Variants in CIITA observed in about 807,000 individuals in gnomAD.
CIITA encodes class II major histocompatibility complex transactivator.
A neutral mutation model predicts 115.1 loss-of-function variants in CIITA; 72 were observed. The observed-to-expected ratio is 0.63, with a 90% CI of 0.52 to 0.76. The LOEUF (loss-of-function observed/expected upper bound fraction) is 0.76. CIITA is among the 30% of genes least tolerant of loss of function. CIITA has a pLI of 0.00. For synonymous variants in CIITA, 763 were observed against 635.6 expected, an observed-to-expected ratio of 1.20 and a Z score of -3.02; for missense variants, 1,617 against 1,463.8, an observed-to-expected ratio of 1.10 and a Z score of -1.71.
chr16:10,872,683 A>C (rs2035568984), upstream of CIITA, among the ~76,000 whole-genome samples: 1 of 152,226 alleles, frequency 6.6e-6, no homozygotes, highest in Non-Finnish European at 1.5e-5. Context: ...ATTTGGATAC[A>C]TAGCAGTTGT....
Position 10,915,618 on chromosome 16 carries a change from C to A in CIITA, c.2937C>A (p.Ile979=), listed in dbSNP as rs1402387769. 4 of 1,614,060 alleles carry A rather than the reference C, an allele frequency of 2.5e-6. No individual in the cohort carries two copies. The East Asian group carries it at 8.9e-5, about 36-fold the overall frequency. ...AGGCTTTCCCCAAACTGGTGCGGAT[C>A]CTCACGGCCTTTTCCTCCCTGCAGC... is the stretch of plus-strand genomic sequence containing the variant. The part of the protein sequence containing the change: ...GPQAFPKLVR[I]LTAFSSLQHL... The change falls in exon 14 of 20, where the codon ATC becomes ATA. Residue 979 remains isoleucine, a synonymous_variant. Transcript: ENST00000324288.
chr16:10,934,128 C>G lies in CIITA; in HGVS notation c.*10273C>G, dbSNP rs1255302401. On this transcript the variant is annotated 3_prime_UTR_variant, in exon 20 of 20. Transcript: ENST00000324288. The surrounding 1 kb of genome is among the most constrained non-coding windows in gnomAD (Gnocchi z 4.2). ...GTGAAGATGCCTGGTCTACCACGTGCCTCCAGCTGGTCACGCCCAAGACTC... is the reference window on the plus strand; with the variant it reads ...GTGAAGATGCCTGGTCTACCACGTGGCTCCAGCTGGTCACGCCCAAGACTC... 6.6e-6 allele frequency: 1 copy of G among 152,268 alleles called. No homozygotes were observed. Among genetic ancestry groups the G allele is most frequent in the Non-Finnish European group, 1.5e-5 (1 of 68,060 alleles). The allele number at this position is 152,268 out of a possible 1,614,324, so 9.4% of individuals were successfully genotyped here. A position where few individuals can be genotyped will look rare whatever the true frequency, so the allele number is the denominator to read the frequency against.
intron 13 of CIITA, among the ~76,000 whole-genome samples, chr16:10,914,883 T>C (rs2039841334): frequency 1.3e-5 from 2 of 152,200 alleles, no homozygotes; most frequent in African/African-American, 2.4e-5. Context: ...CCACCTGGTT[T>C]ACCACTGGCA....
At position 10,901,673 on chromosome 16, in the gene CIITA, C is replaced by G; in HGVS notation, c.481+115C>G. ...GGATGGTGCATGGTGCAGCCCCTGC[C>G]CTTCTTTGGGTAGAGGCTGAGAGCT... is the stretch of plus-strand genomic sequence containing the variant. On this transcript the variant is annotated intron_variant, in intron 6 of 19. Transcript: ENST00000324288. This position sits in a 1 kb window ranked among gnomAD's most constrained non-coding sequence, Gnocchi z 6.8. 1 of 1,172,478 alleles carries G rather than the reference C, an allele frequency of 8.5e-7. No homozygotes were observed. The highest frequency in any genetic ancestry group is 2.0e-5 in the Admixed American group (1 of 50,640). 72.6% of individuals were successfully genotyped at this position (1,172,478 alleles called of 1,614,324 possible).
intron 5 of CIITA, among the ~76,000 whole-genome samples, chr16:10,899,673 C>T (rs528418818): frequency 2.0e-5 from 3 of 152,286 alleles, no homozygotes; most frequent in African/African-American, 7.2e-5. Flanking sequence ...ATGGGTGTAA[C>T]AGTTAACTGA....
At chr16:10,921,884 C>A (rs1240973642) in intron 16 of CIITA, among the ~76,000 whole-genome samples, 1 of 152,224 alleles carries the variant, frequency 6.6e-6, no homozygotes, top group African/African-American at 2.4e-5. Flanking sequence ...GAAGCAATCA[C>A]CACAGCCCTG....
intron 1 of CIITA, among the ~76,000 whole-genome samples, chr16:10,880,572 A>T (rs2036325432): frequency 6.6e-6 from 1 of 152,234 alleles, no homozygotes; most frequent in Non-Finnish European, 1.5e-5. Context: ...TGCAGCAAGC[A>T]GATGTGAACC....
chr16:10,925,900 G>A lies in CIITA; in HGVS notation c.*2045G>A, dbSNP rs897391467. 1 of 152,232 alleles carries A rather than the reference G, an allele frequency of 6.6e-6. No homozygotes were observed. Among genetic ancestry groups the A allele is most frequent in the African/African-American group, 2.4e-5 (1 of 41,450 alleles). 9.4% of individuals were successfully genotyped at this position (152,232 alleles called of 1,614,324 possible). A position where few individuals can be genotyped will look rare whatever the true frequency, so the allele number is the denominator to read the frequency against. ...TGCCTCTGACACACAGCTCTGTCCT[G>A]GGAGTGAGCTGGTTTTTAGCGGAGA... On this transcript the variant is annotated 3_prime_UTR_variant, in exon 20 of 20. Transcript: ENST00000324288.
At chr16:10,875,578 A>G (rs915582872), upstream of CIITA, among the ~76,000 whole-genome samples, 5 of 152,132 alleles carry the variant, frequency 3.3e-5, no homozygotes, top group Non-Finnish European at 7.3e-5. Flanking sequence ...TCATTTCAGT[A>G]CCACCTTCAT....
At chr16:10,895,464 C>T (rs1241107121) in intron 2 of CIITA, 36 bp downstream of exon 2, 1 of 1,610,914 alleles carries the variant, frequency 6.2e-7, no homozygotes. Flanking sequence ...TCCGGTATCC[C>T]CCACCCCTCA....
rs763224509 is a variant in CIITA, at chr16:10,906,680, C to T, written c.1188C>T (p.Gly396=). The T allele has an allele frequency of 3.7e-6, 6 of 1,613,044 alleles. No individual in the cohort carries two copies. The African/African-American group carries it at 8.0e-5, about 22-fold the overall frequency. Residue 396 remains glycine, a synonymous_variant, in exon 11 of 20, where the codon GGC becomes GGT. Transcript: ENST00000324288. Reference sequence around the variant, plus strand: ...CAGAACGGCAGCTGGCCCAAGGAGGCCTGGCTGAGGTGCTGTTGGCTGCCA... The same window carrying T: ...CAGAACGGCAGCTGGCCCAAGGAGGTCTGGCTGAGGTGCTGTTGGCTGCCA... The part of the protein sequence containing the change: ...DWAERQLAQG[G]LAEVLLAAKE...
rs1020650684 is a variant in CIITA, at chr16:10,941,496, C to T, written n.622C>T. On this transcript the variant is annotated non_coding_transcript_exon_variant, in exon 2 of 2. Transcript: ENST00000573379. This position sits in a 1 kb window ranked among gnomAD's most constrained non-coding sequence, Gnocchi z 6.4. ...GAAGCCTGAGGGAGGGGTGTGTATC[C>T]GGCCTGGGAATTCCTCCCTCTCCCT... 1.0e-5 allele frequency: 14 copies of T among 1,348,628 alleles called. No individual in the cohort carries two copies. Among genetic ancestry groups the T allele is most frequent in the African/African-American group, 8.9e-5 (6 of 67,178 alleles). 83.5% of individuals were successfully genotyped at this position (1,348,628 alleles called of 1,614,324 possible).
At chr16:10,873,183 C>T (rs145836847), upstream of CIITA, among the ~76,000 whole-genome samples, 497 of 152,214 alleles carry the variant, frequency 3.3e-3, 2 homozygotes, top group African/African-American at 0.011. Flanking sequence ...ATGTTTCCCA[C>T]GGCTGGTCTC....
Position 10,904,726 on chromosome 16 carries a change from C to T in CIITA, c.938-18C>T. On this transcript the variant is annotated intron_variant, in intron 9 of 19. Transcript: ENST00000324288. ...GTAACCCTCACCCTAAATCTGGCAC[C>T]TGCTTCTCCATCTCCAGAGCACAAG... The T allele has an allele frequency of 6.2e-7, 1 of 1,614,098 alleles. No individual in the cohort carries two copies. Among genetic ancestry groups the T allele is most frequent in the Non-Finnish European group, 8.5e-7 (1 of 1,179,948 alleles).
intron 1 of CIITA, among the ~76,000 whole-genome samples, chr16:10,870,170 A>C (rs112100265): frequency 1.8e-3 from 10 of 5,702 alleles, no homozygotes; most frequent in African/African-American, 6.4e-3. Flanking sequence ...TACTTCCTGC[A>C]AAAAAAAAAA....
At position 10,929,522 on chromosome 16, in the gene CIITA, A is replaced by T. The variant is rs1001349506; in HGVS notation, c.*5667A>T. The T allele has an allele frequency of 6.1e-6, 6 of 985,406 alleles. No individual in the cohort carries two copies. The highest frequency in any genetic ancestry group is 1.7e-5 in the African/African-American group (1 of 57,220). 61.0% of individuals were successfully genotyped at this position (985,406 alleles called of 1,614,324 possible). ...TCCACTCTCCTGGGTTCAAACAGGA[A>T]CCTCTCTGTTGGCACGAAGCTTTTG... is the stretch of plus-strand genomic sequence containing the variant. On this transcript the variant is annotated 3_prime_UTR_variant, in exon 20 of 20. Coordinates refer to ENST00000324288, the MANE Select transcript of CIITA (RefSeq NM_000246.4). The surrounding 1 kb of genome is among the most constrained non-coding windows in gnomAD (Gnocchi z 4.3).
intron 13 of CIITA, among the ~76,000 whole-genome samples, chr16:10,914,783 C>T (rs1003578645): frequency 6.6e-6 from 1 of 152,024 alleles, no homozygotes; most frequent in Admixed American, 6.6e-5. Flanking sequence ...AGATCTAGGC[C>T]GAGGGAAGGG....
At position 10,922,877 on chromosome 16, in the gene CIITA, G is replaced by A. The variant is rs540713120; in HGVS notation, c.3318-351G>A. On this transcript the variant is annotated intron_variant, in intron 18 of 19. Transcript: ENST00000324288. The stretch of plus-strand genomic sequence containing the variant: ...TAAGTCACCATGATGTCCAATACTG[G>A]TTACTTTATATTCTTTCAAAGCACT... 2.3e-4 allele frequency: 114 copies of A among 494,136 alleles called. No individual in the cohort carries two copies. The South Asian group carries it at 2.6e-3, about 11-fold the overall frequency. 30.6% of individuals were successfully genotyped at this position (494,136 alleles called of 1,614,324 possible). A position where few individuals can be genotyped will look rare whatever the true frequency, so the allele number is the denominator to read the frequency against.
intron 7 of CIITA, 24 bp from the exon 8 acceptor site, chr16:10,902,634 C>T (rs368422088): frequency 8.7e-6 from 14 of 1,614,096 alleles, no homozygotes; most frequent in Non-Finnish European, 1.2e-5. Flanking sequence ...CAAGATCCCA[C>T]CTCACTGCCT....
Sources: allele counts gnomAD v4.1 joint callset (sites outside exome capture counted in the v4.1 genomes callset), GRCh38; gene constraint gnomAD v4.1.1; non-coding constraint Gnocchi (gnomAD v3.1); transcripts MANE v1.5; gene names NCBI Gene and HGNC (gene_info 2026-07-23, HGNC 2026-07-21).